Variants in BMP7 observed in about 807,000 individuals in gnomAD.
The protein encoded by BMP7 is osteogenic protein 1.
A neutral mutation model predicts 41.2 loss-of-function variants in BMP7; 12 were observed. The ratio of observed to expected loss-of-function variants is 0.29; its 90% CI spans 0.19 to 0.47. The LOEUF (loss-of-function observed/expected upper bound fraction) is 0.47. Ranked by LOEUF, BMP7 falls within the 20% of genes least tolerant of loss-of-function variation. The pLI, the probability that BMP7 is intolerant of heterozygous loss-of-function variation, is 0.99. For synonymous variants in BMP7, 248 were observed against 250.0 expected (o/e 0.99, Z 0.07); for missense variants, 467 against 606.0 (o/e 0.77, Z 2.41).
chr20:57,261,211 ACGCC>A lies in BMP7; in HGVS notation c.418+4490_418+4493del, dbSNP rs1188070406. 1.3e-5 allele frequency among the ~76,000 whole-genome samples: 2 copies of A among 152,132 alleles called. No homozygotes were observed. Among genetic ancestry groups the A allele is most frequent in the African/African-American group, 4.8e-5 (2 of 41,426 alleles). ...CTCGGCAAAGGCTTGAGAGCCTACT[ACGCC>A]ATGGTAAAGCCCCAAACCGTAGCTT... On this transcript the variant is annotated intron_variant, in intron 1 of 6. Coordinates refer to ENST00000395863, the MANE Select transcript of BMP7 (RefSeq NM_001719.3). This position sits in a 1 kb window ranked among gnomAD's most constrained non-coding sequence, Gnocchi z 4.1.
chr20:57,252,547 T>C (rs892912942), intron 1 of BMP7, among the ~76,000 whole-genome samples: 2 of 152,256 alleles, frequency 1.3e-5, no homozygotes, highest in African/African-American at 4.8e-5. Flanking sequence ...TTTAATAAAC[T>C]TTTAGCATCA....
At chr20:57,176,150 C>T (rs1234452457) in intron 4 of BMP7, among the ~76,000 whole-genome samples, 1 of 152,202 alleles carries the variant, frequency 6.6e-6, no homozygotes, top group African/African-American at 2.4e-5. Context: ...CTAAGAAAGA[C>T]CCATGGAGAG....
At chr20:57,195,991 G>A (rs776489078) in intron 3 of BMP7, among the ~76,000 whole-genome samples, 53 of 152,122 alleles carry the variant, frequency 3.5e-4, no homozygotes, top group Non-Finnish European at 1.5e-4. Flanking sequence ...GGTCCCCAAC[G>A]AGGGAGTATA....
chr20:57,184,339 C>G (rs1984162551), intron 3 of BMP7, among the ~76,000 whole-genome samples: 1 of 152,182 alleles, frequency 6.6e-6, no homozygotes, highest in South Asian at 2.1e-4. Context: ...TGCAAACAAC[C>G]CTAATGACTA....
At chr20:57,173,427 G>T in intron 5 of BMP7, 117 bp from the exon 6 acceptor site, 1 of 990,032 alleles carries the variant, frequency 1.0e-6, no homozygotes, top group South Asian at 1.4e-5. Flanking sequence ...GGAAGCCTCA[G>T]ACCATGCCTT....
At chr20:57,211,024 G>GC (rs1358100937) in intron 2 of BMP7, among the ~76,000 whole-genome samples, 1 of 152,136 alleles carries the variant, frequency 6.6e-6, no homozygotes, top group Non-Finnish European at 1.5e-5. Context: ...TTCAGACACA[G>GC]CCCCCCACCA....
rs2066155370 is a variant in BMP7 at position 57,261,806 on chromosome 20, G to A, written c.418+3899C>T. Among the ~76,000 whole-genome samples, 2 of 152,230 alleles carry A rather than the reference G, an allele frequency of 1.3e-5. No homozygotes were observed. The highest frequency in any genetic ancestry group is 2.1e-4 in the South Asian group (1 of 4,834). ...CCCCTTTGCGAAGCACTCCCTGAAG[G>A]AAATTTTTAAACTGTAACAGAATCT... On this transcript the variant is annotated intron_variant, in intron 1 of 6. Transcript: ENST00000395863. This position sits in a 1 kb window ranked among gnomAD's most constrained non-coding sequence, Gnocchi z 4.1.
At chr20:57,182,813 T>C (rs745379089) in intron 4 of BMP7, among the ~76,000 whole-genome samples, 10 of 152,282 alleles carry the variant, frequency 6.6e-5, no homozygotes, top group Non-Finnish European at 1.3e-4. Flanking sequence ...TGCGTTAACT[T>C]TACTTATATT....
At chr20:57,195,705 G>C (rs866831569) in intron 3 of BMP7, among the ~76,000 whole-genome samples, 2 of 152,260 alleles carry the variant, frequency 1.3e-5, no homozygotes, top group Non-Finnish European at 2.9e-5. Flanking sequence ...ACAGCTGAGT[G>C]TCACACTTGG....
rs868147897 is a variant in BMP7, at chr20:57,265,987, G to A, written c.136C>T (p.Leu46Phe). 1 of 1,550,644 alleles carries A rather than the reference G, an allele frequency of 6.4e-7. No homozygotes were observed. The highest frequency in any genetic ancestry group is 1.4e-5 in the African/African-American group (1 of 73,076). The change falls in exon 1 of 7, where the codon CTC becomes TTC. Residue 46 changes from leucine to phenylalanine, a missense_variant. By Grantham distance (22) the Leu-to-Phe change is conservative. Around this residue, in one of 2 missense-constraint regions of BMP7, gnomAD observed 407 missense variants for 485.9 expected, o/e 0.84. Transcript: ENST00000395863. ...EVHSSFIHRR[L>F]RSQERREMQR... The stretch of plus-strand genomic sequence containing the variant: ...ATCTCCCGCCGCTCCTGGCTGCGGA[G>A]GCGCCGGTGGATGAAGCTCGAGTGC...
At chr20:57,181,286 C>A (rs1164298791) in intron 4 of BMP7, among the ~76,000 whole-genome samples, 1 of 152,090 alleles carries the variant, frequency 6.6e-6, no homozygotes, top group Non-Finnish European at 1.5e-5. Flanking sequence ...GGAAGGATAG[C>A]TTGAGCCCAA....
intron 4 of BMP7, among the ~76,000 whole-genome samples, chr20:57,178,260 A>G (rs1037902040): frequency 1.3e-5 from 2 of 152,158 alleles, no homozygotes; most frequent in African/African-American, 4.8e-5. Flanking sequence ...CATCGGATAG[A>G]GGATCAGAGG....
At chr20:57,218,782 A>G (rs1174308817) in intron 2 of BMP7, among the ~76,000 whole-genome samples, 3 of 118,442 alleles carry the variant, frequency 2.5e-5, no homozygotes, top group African/African-American at 6.7e-5. Flanking sequence ...GTTTGGTGGT[A>G]GCTGGTGTTT....
intron 1 of BMP7, among the ~76,000 whole-genome samples, chr20:57,250,852 G>A (rs111753575): frequency 5.3e-5 from 8 of 152,300 alleles, no homozygotes; most frequent in Admixed American, 1.3e-4. Context: ...AACAGGATTC[G>A]TCAAAATACA....
chr20:57,216,027 G>A (rs1374908069), intron 2 of BMP7, among the ~76,000 whole-genome samples: 1 of 152,076 alleles, frequency 6.6e-6, no homozygotes, highest in Non-Finnish European at 1.5e-5. Context: ...AACAAGTGAC[G>A]CAATTTCCAA....
Position 57,246,892 on chromosome 20 carries a change from G to A in BMP7, c.419-18471C>T, listed in dbSNP as rs146270665. Among the ~76,000 whole-genome samples the A allele has an allele frequency of 1.5e-4, 23 of 152,248 alleles. No homozygotes were observed. In the East Asian group the frequency reaches 3.9e-3, roughly 26 times the overall value. Reference sequence around the variant, plus strand: ...TACTCCCAGCTACTCAGGAGGCTGAGGCAGGAGAATCACTTGAACCCAGAA... The same window carrying A: ...TACTCCCAGCTACTCAGGAGGCTGAAGCAGGAGAATCACTTGAACCCAGAA... On this transcript the variant is annotated intron_variant, in intron 1 of 6. Transcript: ENST00000395863.
Position 57,174,808 on chromosome 20 carries a change from G to A in BMP7, c.1035+123C>T. Reference sequence around the variant, plus strand: ...TAGCCCAAGTCCCCTTCCCTAGCGAGGCCACTTGATACTGGAGTCTTAACT... The same window carrying A: ...TAGCCCAAGTCCCCTTCCCTAGCGAAGCCACTTGATACTGGAGTCTTAACT... On this transcript the variant is annotated intron_variant, in intron 5 of 6. Coordinates refer to ENST00000395863, the MANE Select transcript of BMP7 (RefSeq NM_001719.3). This position sits in a 1 kb window ranked among gnomAD's most constrained non-coding sequence, Gnocchi z 4.3. 1.8e-6 allele frequency: 2 copies of A among 1,087,298 alleles called. No individual in the cohort carries two copies. The highest frequency in any genetic ancestry group is 2.7e-6 in the Non-Finnish European group (2 of 738,162). The allele number at this position is 1,087,298 out of a possible 1,614,324, so 67.4% of individuals were successfully genotyped here.
At chr20:57,187,785 G>T (rs761087294) in intron 3 of BMP7, among the ~76,000 whole-genome samples, 4 of 152,144 alleles carry the variant, frequency 2.6e-5, no homozygotes, top group Admixed American at 2.0e-4. Flanking sequence ...AAAACCCTTC[G>T]ATTTCTTAGT....
chr20:57,239,584 G>A (rs556265661), intron 1 of BMP7, among the ~76,000 whole-genome samples: 2 of 152,354 alleles, frequency 1.3e-5, no homozygotes, highest in South Asian at 4.1e-4. Context: ...GGGACTCTGT[G>A]TGGGAGTCCC....
Sources: gnomAD v4.1 joint callset for allele counts (sites outside exome capture counted in the v4.1 genomes callset) on GRCh38, gnomAD v4.1.1 for gene constraint, gnomAD v4.1.1 regional missense constraint, Gnocchi (gnomAD v3.1) non-coding constraint, MANE v1.5 for transcripts, NCBI Gene and HGNC (gene_info 2026-07-23, HGNC 2026-07-21) for gene names.